Variants in CLBA1 observed in about 807,000 individuals in gnomAD.
The protein encoded by CLBA1 is clathrin binding box of aftiphilin containing 1.
In CLBA1, 30 loss-of-function variants were observed where a neutral mutation model predicts 28.8. The ratio of observed to expected loss-of-function variants is 1.04; its 90% confidence interval spans 0.78 to 1.41. The LOEUF (loss-of-function observed/expected upper bound fraction) is 1.41, where lower values mean the gene tolerates loss of function less well. Among genes scored for constraint, CLBA1 ranks in the 40% most tolerant of loss-of-function variants. The probability of loss-of-function intolerance (pLI) is 0.00; values close to 1 mark genes in which losing one functional copy is unlikely to be tolerated. For missense variants in CLBA1, 451 were observed against 412.3 expected (o/e 1.09, Z -0.81); for synonymous variants, 160 against 152.8 (o/e 1.05, Z -0.35).
intron 2 of CLBA1, among the ~76,000 whole-genome samples, chr14:105,001,057 T>C (rs1482207714): frequency 8.0e-6 from 1 of 125,082 alleles, no homozygotes; most frequent in Non-Finnish European, 1.7e-5. Context: ...AATGGGATAC[T>C]ATTCAGCTGT....
chr14:104,997,230 A>G (rs1056309736), downstream of CLBA1, among the ~76,000 whole-genome samples: 2 of 152,238 alleles, frequency 1.3e-5, no homozygotes, highest in African/African-American at 4.8e-5. Flanking sequence ...AATACAGTAT[A>G]TAAATGATCT....
intron 2 of CLBA1, chr14:104,989,381 G>A (rs1899955563): frequency 4.7e-6 from 2 of 424,204 alleles, no homozygotes; most frequent in Non-Finnish European, 8.9e-6. Flanking sequence ...GAGTGGGTGG[G>A]GGCCTCGCAT....
intron 3 of CLBA1, among the ~76,000 whole-genome samples, chr14:104,992,695 A>G (rs547169073): frequency 1.3e-5 from 2 of 152,342 alleles, no homozygotes; most frequent in Admixed American, 6.5e-5. Context: ...TGTGTCTGAA[A>G]GTGGCCGTGA....
intron 4 of CLBA1, chr14:104,993,641 AG>A (rs1566933957): frequency 1.0e-6 from 1 of 985,388 alleles, no homozygotes; most frequent in Non-Finnish European, 1.2e-6. Flanking sequence ...CTCTTTTATC[AG>A]GGGGAAGAAA....
intron 2 of CLBA1, chr14:104,991,011 C>A (rs1326596897): frequency 6.2e-6 from 1 of 160,180 alleles, no homozygotes; most frequent in African/African-American, 2.4e-5. Flanking sequence ...GCAGGGAATG[C>A]TGTTTTTATT....
chr14:105,000,072 G>A (rs952501628), downstream of CLBA1, among the ~76,000 whole-genome samples: 30 of 152,126 alleles, frequency 2.0e-4, no homozygotes, highest in Admixed American at 7.9e-4. Flanking sequence ...AGACAACTTC[G>A]AATAACACAC....
At chr14:104,990,000 C>T (rs957585339) in intron 2 of CLBA1, 49 of 247,702 alleles carry the variant, frequency 2.0e-4, no homozygotes, top group Middle Eastern at 1.7e-3. Flanking sequence ...CCCAGAAGGC[C>T]GCAACCAGCA....
intron 2 of CLBA1, chr14:104,989,388 G>T: frequency 2.4e-6 from 1 of 410,282 alleles, no homozygotes; most frequent in South Asian, 2.1e-5. Context: ...TGGGGGCCTC[G>T]CATTCAGTGC....
chr14:105,000,333 G>A (rs1900243864), downstream of CLBA1, among the ~76,000 whole-genome samples: 3 of 150,586 alleles, frequency 2.0e-5, 1 homozygote, highest in South Asian at 6.3e-4. Context: ...GTGCAATGGT[G>A]CAATGTTAGC....
downstream of CLBA1, among the ~76,000 whole-genome samples, chr14:104,996,170 TC>T (rs1566934686): frequency 6.6e-6 from 1 of 152,026 alleles, no homozygotes; most frequent in East Asian, 1.9e-4. Context: ...TCTTCTGACT[TC>T]CCTGTGGCCT....
At position 104,994,587 on chromosome 14, in the gene CLBA1, T is replaced by C. The variant is rs202184539; in HGVS notation, c.817-11T>C. 2.1e-5 allele frequency: 33 copies of C among 1,601,104 alleles called. No individual in the cohort carries two copies. The East Asian group carries it at 6.2e-4, about 30-fold the overall frequency. Reference sequence around the variant, plus strand: ...GGGTGCGCGCGCCTGACTGCTGTCCTCTCATCTCAGCTCTCGGGGCCGCCT... The same window carrying C: ...GGGTGCGCGCGCCTGACTGCTGTCCCCTCATCTCAGCTCTCGGGGCCGCCT... On this transcript the variant is annotated splice_polypyrimidine_tract_variant and intron_variant, in intron 4 of 4. Transcript: ENST00000547315.
intron 3 of CLBA1, among the ~76,000 whole-genome samples, chr14:104,992,385 C>T (rs1188715118): frequency 6.6e-6 from 1 of 152,254 alleles, no homozygotes; most frequent in Non-Finnish European, 1.5e-5. Context: ...GATCTTTCCT[C>T]ATTCTTAAAT....
rs5811162 is a variant in CLBA1, at chr14:104,987,789, T to TTA, written c.423+953_423+954dup. ...TCCACCACCACGCCCGGCTAACTTT[T>TTA]TATATATATATATATATATGTATGT... is the stretch of plus-strand genomic sequence containing the variant. On this transcript the variant is annotated intron_variant, in intron 1 of 4. Transcript: ENST00000547315. Among the ~76,000 whole-genome samples the TTA allele has an allele frequency of 6.6e-3, 962 of 144,890 alleles. 5 individuals are homozygous for TTA. The highest frequency in any genetic ancestry group is 0.032 in the East Asian group (161 of 4,990).
chr14:104,986,580 G>A lies in CLBA1; in HGVS notation c.149G>A (p.Gly50Glu). ...RTCPDLLLSD[G>E]KASISMPREG... ...TGCCCCGACCTTCTCCTGTCCGATGGGAAAGCCAGCATCTCCATGCCCCGT... is the reference window on the plus strand; with the variant it reads ...TGCCCCGACCTTCTCCTGTCCGATGAGAAAGCCAGCATCTCCATGCCCCGT... Residue 50 changes from glycine (G) to glutamate (E), a missense_variant, in exon 1 of 5, where the codon GGG becomes GAG. Coordinates refer to ENST00000547315, the MANE Select transcript of CLBA1 (RefSeq NM_174891.4). The A allele has an allele frequency of 6.2e-7, 1 of 1,614,036 alleles. No individual in the cohort carries two copies. Among genetic ancestry groups the A allele is most frequent in the Non-Finnish European group, 8.5e-7 (1 of 1,180,010 alleles).
Position 104,994,180 on chromosome 14 carries a change from G to A in CLBA1, c.817-418G>A, listed in dbSNP as rs1900110601. 5.1e-6 allele frequency: 5 copies of A among 985,328 alleles called. No individual in the cohort carries two copies. The South Asian group carries it at 1.4e-4, about 28-fold the overall frequency. 61.0% of individuals were successfully genotyped at this position (985,328 alleles called of 1,614,324 possible). A position where few individuals can be genotyped will look rare whatever the true frequency, so the allele number is the denominator to read the frequency against. ...CAGCTGTAAAGAAATGTTCGTGGCT[G>A]TGTTGTTCACAGCAGCCGGTGGGGG... On this transcript the variant is annotated intron_variant, in intron 4 of 4. Coordinates refer to ENST00000547315, the MANE Select transcript of CLBA1 (RefSeq NM_174891.4).
intron 4 of CLBA1, chr14:104,994,278 G>A (rs1900113714): frequency 1.0e-6 from 1 of 985,330 alleles, no homozygotes; most frequent in African/African-American, 1.7e-5. Context: ...GGCTGTGAGT[G>A]TGCAGGGTAG....
At chr14:105,000,615 A>G (rs1204650083) in intron 2 of CLBA1, among the ~76,000 whole-genome samples, 1 of 152,156 alleles carries the variant, frequency 6.6e-6, no homozygotes, top group Non-Finnish European at 1.5e-5. Context: ...ATTTTTATAT[A>G]TATACACACA....
rs869117577 is a variant in CLBA1 at position 104,987,606 on chromosome 14, C to CTTTTTTTTTTT, written c.423+773_423+783dup. 6.8e-4 allele frequency among the ~76,000 whole-genome samples: 41 copies of CTTTTTTTTTTT among 60,006 alleles called. 5 individuals are homozygous for CTTTTTTTTTTT. Among genetic ancestry groups the CTTTTTTTTTTT allele is most frequent in the East Asian group, 2.1e-3 (4 of 1,944 alleles). 39.4% of individuals were successfully genotyped at this position (60,006 alleles called of 152,430 possible). On this transcript the variant is annotated intron_variant, in intron 1 of 4. Coordinates refer to ENST00000547315, the MANE Select transcript of CLBA1 (RefSeq NM_174891.4). ...GGCTGGCCTGTTTTCTCTTCCTTTTCTTTTTTTTTTTTTTTTTTTTTTTTT... is the reference window on the plus strand; with the variant it reads ...GGCTGGCCTGTTTTCTCTTCCTTTTCTTTTTTTTTTTTTTTTTTTTTTTTTTTTTTTTTTTT...
At chr14:104,992,497 C>T (rs1471570897) in intron 3 of CLBA1, among the ~76,000 whole-genome samples, 2 of 152,208 alleles carry the variant, frequency 1.3e-5, no homozygotes, top group Non-Finnish European at 2.9e-5. Context: ...CCCTGTTGGC[C>T]CATGGGCCAC....
Sources: allele counts gnomAD v4.1 joint callset (sites outside exome capture counted in the v4.1 genomes callset), GRCh38; gene constraint gnomAD v4.1.1; transcripts MANE v1.5; gene names NCBI Gene and HGNC (gene_info 2026-07-23, HGNC 2026-07-21).